Variants in FRMD4A observed in about 807,000 individuals in gnomAD.
FRMD4A encodes FERM domain-containing protein 4A.
In FRMD4A, 29 loss-of-function variants were observed where a neutral mutation model predicts 129.1. The ratio of observed to expected loss-of-function variants is 0.22; its 90% CI spans 0.17 to 0.31. The LOEUF is 0.31. Among genes scored for constraint, FRMD4A ranks in the 10% least tolerant of loss-of-function variants. FRMD4A has a pLI of 1.00. For missense variants in FRMD4A, 1,272 were observed against 1,375.8 expected (o/e 0.92, Z 1.19); for synonymous variants, 634 against 571.6 (o/e 1.11, Z -1.56).
chr10:14,118,980 C>T (rs963352787), intron 2 of FRMD4A, among the ~76,000 whole-genome samples: 5 of 152,206 alleles, frequency 3.3e-5, no homozygotes, highest in African/African-American at 1.2e-4. Context: ...GCACAGCCAG[C>T]CAGATGTATT....
At chr10:14,191,885 T>C (rs1842330635) in intron 2 of FRMD4A, among the ~76,000 whole-genome samples, 1 of 152,052 alleles carries the variant, frequency 6.6e-6, no homozygotes, top group Non-Finnish European at 1.5e-5. Context: ...TTCCTAGATG[T>C]TTCTTCATTC....
chr10:13,685,488 G>C (rs896680809), intron 15 of FRMD4A: 2 of 984,766 alleles, frequency 2.0e-6, no homozygotes, highest in African/African-American at 3.5e-5. Flanking sequence ...AAATGAGGGA[G>C]CTGACCTATC....
chr10:14,162,794 AAT>A (rs2131872522), intron 2 of FRMD4A, among the ~76,000 whole-genome samples: 1 of 152,196 alleles, frequency 6.6e-6, no homozygotes, highest in Non-Finnish European at 1.5e-5. Context: ...GCATAGAGTA[AAT>A]GTTAATCTCT....
At chr10:14,142,773 T>C (rs1481576407) in intron 2 of FRMD4A, among the ~76,000 whole-genome samples, 1 of 152,232 alleles carries the variant, frequency 6.6e-6, no homozygotes, top group Non-Finnish European at 1.5e-5. Context: ...ATCTTCCCAC[T>C]ACATTTGGCT....
chr10:14,079,001 G>A (rs530845325), intron 2 of FRMD4A, among the ~76,000 whole-genome samples: 2 of 152,248 alleles, frequency 1.3e-5, no homozygotes, highest in Non-Finnish European at 2.9e-5. Flanking sequence ...GAGATAGTCA[G>A]AGGAAAGGAC....
intron 2 of FRMD4A, among the ~76,000 whole-genome samples, chr10:14,058,491 C>T (rs1318613470): frequency 1.3e-5 from 2 of 152,048 alleles, no homozygotes; most frequent in African/African-American, 4.8e-5. Context: ...AAATAACATC[C>T]ATGTTACCAT....
At chr10:14,266,523 G>A (rs1490171971) in intron 2 of FRMD4A, among the ~76,000 whole-genome samples, 2 of 147,584 alleles carry the variant, frequency 1.4e-5, no homozygotes, top group Non-Finnish European at 3.0e-5. Context: ...GTGTGTGTGT[G>A]TATGTGTGTG....
chr10:13,732,795 A>G (rs1344351830), intron 12 of FRMD4A, among the ~76,000 whole-genome samples: 1 of 152,168 alleles, frequency 6.6e-6, no homozygotes, highest in Non-Finnish European at 1.5e-5. Context: ...AGGCCCATGC[A>G]TGGGACCTCC....
chr10:14,304,891 G>C (rs930910577), intron 2 of FRMD4A, among the ~76,000 whole-genome samples: 5 of 152,210 alleles, frequency 3.3e-5, no homozygotes, highest in African/African-American at 1.2e-4. Flanking sequence ...TAACTCTGAA[G>C]TGTGTTCTAG....
intron 2 of FRMD4A, among the ~76,000 whole-genome samples, chr10:13,878,748 A>G (rs1176734800): frequency 2.0e-5 from 3 of 151,222 alleles, no homozygotes; most frequent in Non-Finnish European, 4.4e-5. Flanking sequence ...GCGAGACTCC[A>G]TCACAAAACA....
At chr10:14,021,093 C>T (rs562671941) in intron 2 of FRMD4A, among the ~76,000 whole-genome samples, 32 of 152,122 alleles carry the variant, frequency 2.1e-4, no homozygotes, top group Non-Finnish European at 3.8e-4. Context: ...CTCACAAAGA[C>T]GAAATGCTTG....
At chr10:14,053,918 G>A (rs1264431521) in intron 2 of FRMD4A, among the ~76,000 whole-genome samples, 1 of 152,112 alleles carries the variant, frequency 6.6e-6, no homozygotes, top group Non-Finnish European at 1.5e-5. Flanking sequence ...TACGCAGGAG[G>A]ATCACCTGAG....
At chr10:14,163,402 C>A (rs576674572) in intron 2 of FRMD4A, among the ~76,000 whole-genome samples, 2 of 152,278 alleles carry the variant, frequency 1.3e-5, no homozygotes, top group South Asian at 4.1e-4. Context: ...CGCTATCATC[C>A]ACTTGTAATA....
At chr10:13,891,130 G>A (rs534579859) in intron 2 of FRMD4A, among the ~76,000 whole-genome samples, 62 of 152,182 alleles carry the variant, frequency 4.1e-4, no homozygotes, top group African/African-American at 1.4e-3. Flanking sequence ...CCCCTTCCGA[G>A]CGTCCGTTTT....
intron 2 of FRMD4A, among the ~76,000 whole-genome samples, chr10:13,885,612 C>A (rs1544220): frequency 6.6e-6 from 1 of 152,194 alleles, no homozygotes; most frequent in South Asian, 2.1e-4. Context: ...GGATAACCCC[C>A]AGATCACATA....
At position 13,756,204 on chromosome 10, in the gene FRMD4A, A is replaced by G. The variant is rs2091853500; in HGVS notation, c.464+5443T>C. 3 of 152,330 alleles carry G rather than the reference A, an allele frequency of 2.0e-5. No individual in the cohort carries two copies. The South Asian group carries it at 6.2e-4, about 32-fold the overall frequency. The allele number at this position is 152,330 out of a possible 1,614,324, so 9.4% of individuals were successfully genotyped here. A position where few individuals can be genotyped will look rare whatever the true frequency, so the allele number is the denominator to read the frequency against. On this transcript the variant is annotated intron_variant, in intron 8 of 24. Coordinates refer to ENST00000357447, the MANE Select transcript of FRMD4A (RefSeq NM_018027.5). ...GGTTTCAATAAATCTTGTTAACAAA[A>G]AATTCTATAGAACAGATGTTTTTTA... is the stretch of plus-strand genomic sequence containing the variant.
At chr10:14,011,237 T>G (rs2095681173) in intron 2 of FRMD4A, among the ~76,000 whole-genome samples, 1 of 152,214 alleles carries the variant, frequency 6.6e-6, no homozygotes, top group Non-Finnish European at 1.5e-5. Flanking sequence ...AAGAAGAGAA[T>G]GTCAATATAG....
chr10:13,746,084 T>C (rs1188820412), intron 9 of FRMD4A, among the ~76,000 whole-genome samples: 1 of 152,126 alleles, frequency 6.6e-6, no homozygotes, highest in Non-Finnish European at 1.5e-5. Flanking sequence ...GGAGTGGCAA[T>C]AAAACAGCTC....
intron 2 of FRMD4A, among the ~76,000 whole-genome samples, chr10:14,150,040 G>C (rs1213936162): frequency 1.3e-5 from 2 of 152,286 alleles, no homozygotes; most frequent in South Asian, 2.1e-4. Context: ...TGGCAGGAGA[G>C]AGTGTGAAGA....
Sources: allele counts gnomAD v4.1 joint callset (sites outside exome capture counted in the v4.1 genomes callset), GRCh38; gene constraint gnomAD v4.1.1; transcripts MANE v1.5; gene names NCBI Gene and HGNC (gene_info 2026-07-23, HGNC 2026-07-21).